The following LRRC27 variants were observed in gnomAD, a reference collection of about 807,000 sequenced individuals.
LRRC27 encodes the protein leucine rich repeat containing 27, also known as leucine-rich repeat-containing protein 27.
LRRC27 carries 57 observed loss-of-function variants against 55.0 expected under a neutral mutation model. The ratio of observed to expected loss-of-function variants is 1.04; its 90% CI spans 0.84 to 1.29. The LOEUF (loss-of-function observed/expected upper bound fraction) is 1.29. LRRC27 is among the 50% of genes most tolerant of loss of function. LRRC27 has a pLI of 0.00. For synonymous variants in LRRC27, 278 were observed against 251.9 expected, an observed-to-expected ratio of 1.10 and a Z score of -0.98; for missense variants, 721 against 651.5, an observed-to-expected ratio of 1.11 and a Z score of -1.16.
chr10:132,348,083 A>G lies in LRRC27; in HGVS notation c.653A>G (p.Gln218Arg). ...TCTAACCAAGGAGCTGTGAACGCTC[A>G]GGACCCAGAGGGGGCTGTGATGAAA... ...HASNQGAVNA[Q>R]DPEGAVMKEK... Residue 218 changes from glutamine to arginine, a missense_variant, in exon 6 of 11, where the codon CAG (glutamine) becomes CGG (arginine). Gln to Arg is a conservative substitution (Grantham distance 43, BLOSUM62 1). Transcript: ENST00000368614. This position sits in a 1 kb window ranked among gnomAD's most constrained non-coding sequence, Gnocchi z 4.2. 6.2e-7 allele frequency: 1 copy of G among 1,614,166 alleles called. No homozygotes were observed.
Position 132,348,022 on chromosome 10 carries a change from C to A in LRRC27, c.592C>A (p.Pro198Thr). The A allele has an allele frequency of 1.9e-6, 3 of 1,612,818 alleles. No individual in the cohort carries two copies. The highest frequency in any genetic ancestry group is 1.7e-6 in the Non-Finnish European group (2 of 1,179,704). ...PVREMTLRDL[P>T]SPGLELSGDH... ...TAGAGAGATGACCCTCCGTGACCTC[C>A]CGAGCCCAGGACTGGAGTTGTCTGG... is the stretch of plus-strand genomic sequence containing the variant. Residue 198 changes from proline (P) to threonine (T), a missense_variant, in exon 6 of 11, where the codon CCG becomes ACG. Transcript: ENST00000368614. This position sits in a 1 kb window ranked among gnomAD's most constrained non-coding sequence, Gnocchi z 4.2.
At chr10:132,341,257 C>A (rs2067400127) in intron 3 of LRRC27, among the ~76,000 whole-genome samples, 1 of 151,562 alleles carries the variant, frequency 6.6e-6, no homozygotes. Flanking sequence ...TTAGTCTCAG[C>A]TACCTGCGGG....
rs1485839210 is a variant in LRRC27 at position 132,374,769 on chromosome 10, G to A, written c.1417-297G>A. On this transcript the variant is annotated intron_variant, in intron 10 of 10. Transcript: ENST00000368614. This position sits in a 1 kb window ranked among gnomAD's most constrained non-coding sequence, Gnocchi z 4.4. Reference sequence around the variant, plus strand: ...TGTTCATCCATTGACCTGTGCAGATGCACAGGACACCTGGGTGGGGCCGTG... The same window carrying A: ...TGTTCATCCATTGACCTGTGCAGATACACAGGACACCTGGGTGGGGCCGTG... Among the ~76,000 whole-genome samples, 1 of 152,234 alleles carries A rather than the reference G, an allele frequency of 6.6e-6. No individual in the cohort carries two copies. The highest frequency in any genetic ancestry group is 1.5e-5 in the Non-Finnish European group (1 of 68,038).
In LRRC27 at chr10:132,372,906, AGCCTCGTT is replaced by A. The variant is rs1299813990; in HGVS notation, c.1417-2159_1417-2152del. Among the ~76,000 whole-genome samples the A allele has an allele frequency of 6.6e-6, 1 of 152,084 alleles. No individual in the cohort carries two copies. Among genetic ancestry groups the A allele is most frequent in the Non-Finnish European group, 1.5e-5 (1 of 68,002 alleles). On this transcript the variant is annotated intron_variant, in intron 10 of 10. Coordinates refer to ENST00000368614, the MANE Select transcript of LRRC27 (RefSeq NM_030626.3). This position sits in a 1 kb window ranked among gnomAD's most constrained non-coding sequence, Gnocchi z 4.0. ...AGCCCACCACCGACACCCCGATCTC[AGCCTCGTT>A]CCAGGGCCTCAGTCACGAGAGGTTC...
chr10:132,371,035 C>T (rs978674492), intron 10 of LRRC27, among the ~76,000 whole-genome samples: 3 of 152,364 alleles, frequency 2.0e-5, no homozygotes, highest in South Asian at 2.1e-4. Flanking sequence ...GAGGCGGGCA[C>T]GCATGTGCGT....
rs1032169895 is a variant in LRRC27 at position 132,351,322 on chromosome 10, G to A, written c.927-285G>A. ...TCGGGTGCAGCTGCCGAGGCTGCACGTCCTTCAGGTGCATTTCCCAAGCCG... is the reference window on the plus strand; with the variant it reads ...TCGGGTGCAGCTGCCGAGGCTGCACATCCTTCAGGTGCATTTCCCAAGCCG... On this transcript the variant is annotated intron_variant, in intron 6 of 10. Transcript: ENST00000368614. 8.1e-5 allele frequency: 29 copies of A among 357,764 alleles called. 1 individual carries two copies. Among genetic ancestry groups the A allele is most frequent in the Middle Eastern group, 8.6e-4 (1 of 1,166 alleles). 22.2% of individuals were successfully genotyped at this position (357,764 alleles called of 1,614,324 possible). A position where few individuals can be genotyped will look rare whatever the true frequency, so the allele number is the denominator to read the frequency against.
intron 7 of LRRC27, among the ~76,000 whole-genome samples, chr10:132,352,570 T>C (rs1177521001): frequency 1.5e-5 from 1 of 68,062 alleles, no homozygotes; most frequent in Non-Finnish European, 2.9e-5. Flanking sequence ...GGGCAGGCGC[T>C]GAGGCCTCCG....
intron 2 of LRRC27, among the ~76,000 whole-genome samples, chr10:132,336,218 G>A (rs567329962): frequency 7.9e-6 from 1 of 126,368 alleles, no homozygotes; most frequent in Non-Finnish European, 1.6e-5. Flanking sequence ...GCTTGCCCTG[G>A]GGGGGGAAGA....
chr10:132,347,661 A>G (rs2474330), intron 5 of LRRC27, among the ~76,000 whole-genome samples: 64,491 of 140,854 alleles, frequency 0.46, 14,331 homozygotes, highest in African/African-American at 0.57. Flanking sequence ...TGGGGCCTGC[A>G]GGGGAGGGTC....
In LRRC27 at chr10:132,375,317, G is replaced by C. The variant is rs756457201; in HGVS notation, c.*75G>C. ...TCTTCTTTCCCGGGCGTCGCCTCCT[G>C]TGTGGTGCCGGAAGAGCGCCAGGTT... On this transcript the variant is annotated 3_prime_UTR_variant, in exon 11 of 11. Coordinates refer to ENST00000368614, the MANE Select transcript of LRRC27 (RefSeq NM_030626.3). 10 of 1,408,178 alleles carry C rather than the reference G, an allele frequency of 7.1e-6. No homozygotes were observed. Among genetic ancestry groups the C allele is most frequent in the Non-Finnish European group, 9.7e-6 (10 of 1,033,190 alleles). The allele number at this position is 1,408,178 out of a possible 1,614,324, so 87.2% of individuals were successfully genotyped here. A position where few individuals can be genotyped will look rare whatever the true frequency, so the allele number is the denominator to read the frequency against.
chr10:132,331,656 C>G (rs777171006), upstream of LRRC27: 1 of 1,612,874 alleles, frequency 6.2e-7, no homozygotes, highest in South Asian at 1.1e-5. Context: ...GGTGCCTCAG[C>G]AGCAATTCTT....
chr10:132,359,975 A>C (rs1329239117), intron 8 of LRRC27, among the ~76,000 whole-genome samples: 1 of 152,176 alleles, frequency 6.6e-6, no homozygotes, highest in African/African-American at 2.4e-5. Flanking sequence ...TGTTCGAAAA[A>C]GTCTTCCTTC....
intron 8 of LRRC27, among the ~76,000 whole-genome samples, chr10:132,358,181 C>T (rs2474341): frequency 0.15 from 23,150 of 152,284 alleles, 2,184 homozygotes; most frequent in Non-Finnish European, 0.22. Context: ...GTATGGCAGG[C>T]AGTCCACAGA....
chr10:132,369,182 G>A (rs2069160713), intron 10 of LRRC27, among the ~76,000 whole-genome samples: 1 of 152,200 alleles, frequency 6.6e-6, no homozygotes, highest in African/African-American at 2.4e-5. Context: ...AATAGAAAAT[G>A]GTACAGCCAC....
At chr10:132,347,681 C>T (rs547805076) in intron 5 of LRRC27, among the ~76,000 whole-genome samples, 2 of 141,670 alleles carry the variant, frequency 1.4e-5, no homozygotes, top group Admixed American at 6.9e-5. Flanking sequence ...CAGGTGCGCC[C>T]GGTGGTGCCT....
intron 10 of LRRC27, among the ~76,000 whole-genome samples, chr10:132,373,216 A>G (rs1033592220): frequency 1.3e-5 from 2 of 152,212 alleles, no homozygotes; most frequent in Non-Finnish European, 2.9e-5. Context: ...TCCCCCAGGA[A>G]GGGGAGGTGG....
At chr10:132,354,704 T>C (rs887344013) in intron 7 of LRRC27, among the ~76,000 whole-genome samples, 27 of 152,186 alleles carry the variant, frequency 1.8e-4, no homozygotes, top group African/African-American at 5.3e-4. Context: ...CCAGGAGGGC[T>C]GAGCCGCTGT....
intron 9 of LRRC27, among the ~76,000 whole-genome samples, 180 bp from the exon 10 acceptor site, chr10:132,365,244 G>A (rs1208253851): frequency 6.6e-6 from 1 of 152,260 alleles, no homozygotes; most frequent in Non-Finnish European, 1.5e-5. Flanking sequence ...GTCTGGAGGA[G>A]AGTGGGTGCC....
rs2133121193 is a variant in LRRC27, at chr10:132,378,135, A to G, written c.*2893A>G. 6.6e-6 allele frequency: 1 copy of G among 151,778 alleles called. No homozygotes were observed. The highest frequency in any genetic ancestry group is 2.4e-5 in the African/African-American group (1 of 41,366). 9.4% of individuals were successfully genotyped at this position (151,778 alleles called of 1,614,324 possible). ...GCTTGCAGTGAGCCGAGATCGCGCC[A>G]CTGCACTCCAGCCTGGGCGACAGAG... is the stretch of plus-strand genomic sequence containing the variant. On this transcript the variant is annotated 3_prime_UTR_variant, in exon 11 of 11. Transcript: ENST00000368614.
Sources: gnomAD v4.1 joint callset for allele counts (sites outside exome capture counted in the v4.1 genomes callset) on GRCh38, gnomAD v4.1.1 for gene constraint, Gnocchi (gnomAD v3.1) non-coding constraint, MANE v1.5 for transcripts, NCBI Gene and HGNC (gene_info 2026-07-23, HGNC 2026-07-21) for gene names.